NHSL1: variants seen among roughly 807,000 people sequenced by gnomAD.
NHSL1 encodes the protein NHS like 1.
Under a neutral mutation model 95.0 loss-of-function variants are expected in NHSL1, and 48 were observed. That is an observed-to-expected ratio of 0.51 (90% CI 0.40 to 0.64). The LOEUF is 0.64. Among genes scored for constraint, NHSL1 ranks in the 30% least tolerant of loss-of-function variants. NHSL1 has a pLI of 0.00. For missense variants in NHSL1, 1,971 were observed against 2,077.7 expected, an observed-to-expected ratio of 0.95 and a Z score of 1.00; for synonymous variants, 783 against 833.9, an observed-to-expected ratio of 0.94 and a Z score of 1.05.
chr6:138,489,841 A>AGG (rs1779938171), intron 2 of NHSL1, among the ~76,000 whole-genome samples: 1 of 71,962 alleles, frequency 1.4e-5, no homozygotes, highest in African/African-American at 7.2e-5. Flanking sequence ...AGAGAGAGAG[A>AGG]GAGGGAGAGA....
At chr6:138,646,064 T>C (rs2114695534) in intron 1 of NHSL1, among the ~76,000 whole-genome samples, 1 of 152,320 alleles carries the variant, frequency 6.6e-6, no homozygotes. Flanking sequence ...TAGTACAAGT[T>C]CTCAAGAACC....
chr6:138,665,707 A>G (rs548126360), intron 1 of NHSL1, among the ~76,000 whole-genome samples: 1 of 152,274 alleles, frequency 6.6e-6, no homozygotes, highest in African/African-American at 2.4e-5. Context: ...CTTTCATCAT[A>G]TCCCAATTTG....
chr6:138,661,577 G>A (rs1027562316), intron 1 of NHSL1, among the ~76,000 whole-genome samples: 18 of 151,602 alleles, frequency 1.2e-4, no homozygotes, highest in African/African-American at 1.7e-4. Flanking sequence ...TGAGAGGATC[G>A]TTGGAGCCCC....
At chr6:138,670,665 C>CAAAAAAAAAAAAA (rs370888768) in intron 1 of NHSL1, among the ~76,000 whole-genome samples, 5 of 69,360 alleles carry the variant, frequency 7.2e-5, no homozygotes, top group South Asian at 1.1e-3. Flanking sequence ...GACTCCGTCT[C>CAAAAAAAAAAAAA]AAAAAAAAAA....
intron 7 of NHSL1, among the ~76,000 whole-genome samples, chr6:138,425,866 T>G (rs539641416): frequency 6.0e-5 from 8 of 134,440 alleles, no homozygotes; most frequent in Non-Finnish European, 1.1e-4. Context: ...GAACCCTCCA[T>G]GCCAGACCCT....
At chr6:138,447,285 G>T in intron 3 of NHSL1, 92 bp from the exon 4 acceptor site, 3 of 1,117,770 alleles carry the variant, frequency 2.7e-6, no homozygotes, top group Non-Finnish European at 3.7e-6. Flanking sequence ...AAATTGGACT[G>T]GTTTAAAAGA....
chr6:138,669,420 T>G (rs1269240478), intron 1 of NHSL1, among the ~76,000 whole-genome samples: 2 of 152,162 alleles, frequency 1.3e-5, no homozygotes, highest in Admixed American at 6.5e-5. Context: ...CTATTTATAC[T>G]GCCGAGTTCC....
At chr6:138,453,840 C>T (rs1777400482) in intron 3 of NHSL1, among the ~76,000 whole-genome samples, 1 of 152,126 alleles carries the variant, frequency 6.6e-6, no homozygotes, top group Non-Finnish European at 1.5e-5. Context: ...AGCCACTGCA[C>T]CAGGCCCTAA....
At chr6:138,680,173 T>C (rs1363283505) in intron 1 of NHSL1, among the ~76,000 whole-genome samples, 3 of 152,228 alleles carry the variant, frequency 2.0e-5, no homozygotes, top group African/African-American at 7.2e-5. Context: ...TCTGAGTCTA[T>C]ACTTATGAAT....
exon 1 of NHSL1, chr6:138,572,004 T>A: frequency 1.0e-6 from 1 of 989,114 alleles, no homozygotes; most frequent in Non-Finnish European, 1.5e-6. Context: ...ACGAGCCTGC[T>A]GTTTCCCTCT....
intron 1 of NHSL1, among the ~76,000 whole-genome samples, chr6:138,519,683 T>A (rs953046437): frequency 6.6e-6 from 1 of 152,180 alleles, no homozygotes; most frequent in African/African-American, 2.4e-5. Flanking sequence ...TAGTTTCTTC[T>A]TGCACTTCAG....
rs1459874253 is a variant in NHSL1 at position 138,473,441 on chromosome 6, G to C, written c.212-8C>G. 1 of 1,430,484 alleles carries C rather than the reference G, an allele frequency of 7.0e-7. No individual in the cohort carries two copies. 88.6% of individuals were successfully genotyped at this position (1,430,484 alleles called of 1,614,324 possible). On this transcript the variant is annotated splice_region_variant and splice_polypyrimidine_tract_variant and intron_variant, in intron 2 of 7. Coordinates refer to ENST00000343505, the MANE Select transcript of NHSL1 (RefSeq NM_001144060.2). ...GCCGCAACTTATCGCATTCTGCAGA[G>C]GGGCACGCAGGGAGGGGAAGGAGGC...
intron 1 of NHSL1, among the ~76,000 whole-genome samples, chr6:138,554,387 C>T (rs1783119661): frequency 6.6e-6 from 1 of 152,150 alleles, no homozygotes; most frequent in African/African-American, 2.4e-5. Context: ...AAACCATAAC[C>T]AACCTTCAAC....
chr6:138,672,776 T>C lies in NHSL1; in HGVS notation c.96+19700A>G, dbSNP rs548985666. Among the ~76,000 whole-genome samples, 7 of 152,298 alleles carry C rather than the reference T, an allele frequency of 4.6e-5. No homozygotes were observed. The East Asian group carries it at 1.4e-3, about 29-fold the overall frequency. On this transcript the variant is annotated intron_variant, in intron 1 of 3. Transcript: ENST00000491526. ...GCTCACACCTGTAATCTCAGCACTT[T>C]GGGAGGCCGAGGTAGGCAGATCACG...
At chr6:138,466,502 C>G (rs1778391437) in intron 3 of NHSL1, among the ~76,000 whole-genome samples, 1 of 152,204 alleles carries the variant, frequency 6.6e-6, no homozygotes, top group Non-Finnish European at 1.5e-5. Context: ...AAGGCCTATC[C>G]TTTTCATTTA....
intron 1 of NHSL1, among the ~76,000 whole-genome samples, chr6:138,611,119 T>C (rs963922981): frequency 2.0e-5 from 3 of 150,778 alleles, no homozygotes; most frequent in Non-Finnish European, 4.4e-5. Flanking sequence ...CAACAATTCA[T>C]CTCTGAATTG....
Position 138,442,015 on chromosome 6 carries a change from G to A in NHSL1, c.632C>T (p.Thr211Ile). 2 of 1,551,332 alleles carry A rather than the reference G, an allele frequency of 1.3e-6. No homozygotes were observed. Among genetic ancestry groups the A allele is most frequent in the Non-Finnish European group, 1.7e-6 (2 of 1,146,826 alleles). Residue 211 changes from threonine to isoleucine, a missense_variant, in exon 5 of 8, where the codon ACA becomes ATA. By Grantham distance (89) the Thr-to-Ile change is moderately conservative (BLOSUM62 -1). This residue lies in a region of NHSL1 where 1,602 missense variants were observed against 1,654.5 expected (regional missense o/e 0.97). Transcript: ENST00000343505. ...CTTCTGTATGTTGTCAGGGACTCCT[G>A]TAATAGTCTTTCTCCTTTTGACTTT... ...PKKVKRRKTI[T>I]GVPDNIQKEL...
chr6:138,662,059 C>T (rs919037321), intron 1 of NHSL1, among the ~76,000 whole-genome samples: 8 of 151,518 alleles, frequency 5.3e-5, no homozygotes, highest in East Asian at 1.9e-4. Context: ...GGACAACAGA[C>T]GGAGACCCAT....
At chr6:138,470,937 T>G (rs1778710211) in intron 3 of NHSL1, among the ~76,000 whole-genome samples, 1 of 152,128 alleles carries the variant, frequency 6.6e-6, no homozygotes, top group Non-Finnish European at 1.5e-5. Context: ...AACATTTGTG[T>G]TTACTGGGAT....
Sources: allele counts gnomAD v4.1 joint callset (sites outside exome capture counted in the v4.1 genomes callset), GRCh38; gene constraint gnomAD v4.1.1; regional missense constraint gnomAD v4.1.1; transcripts MANE v1.5; gene names NCBI Gene and HGNC (gene_info 2026-07-23, HGNC 2026-07-21).